PINX1: variants seen among roughly 807,000 people sequenced by gnomAD.
PINX1 encodes PIN2 (TERF1) interacting telomerase inhibitor 1.
Under a neutral mutation model 25.4 loss-of-function variants are expected in PINX1, and 34 were observed. The ratio of observed to expected loss-of-function variants is 1.34; its 90% confidence interval spans 1.02 to 1.78. PINX1 has a LOEUF of 1.78. Ranked by LOEUF, PINX1 falls within the 40% of genes most tolerant of loss-of-function variation. The pLI, the probability that PINX1 is intolerant of heterozygous loss-of-function variation, is 0.00. For missense variants in PINX1, 592 were observed against 404.9 expected, an observed-to-expected ratio of 1.46 and a Z score of -3.97; for synonymous variants, 197 against 147.7, an observed-to-expected ratio of 1.33 and a Z score of -2.42.
chr8:10,773,231 CAT>C (rs1419342663), intron 6 of PINX1, among the ~76,000 whole-genome samples: 2 of 152,120 alleles, frequency 1.3e-5, no homozygotes, highest in Non-Finnish European at 2.9e-5. Flanking sequence ...TATATACACA[CAT>C]GTACATATAT....
chr8:10,792,626 A>C (rs1446953497), intron 6 of PINX1, among the ~76,000 whole-genome samples: 1 of 152,182 alleles, frequency 6.6e-6, no homozygotes, highest in Admixed American at 6.5e-5. Context: ...AATTCATGAA[A>C]GGCTTGCAGA....
chr8:10,787,707 AG>A (rs1801796004), intron 6 of PINX1: 5 of 412,232 alleles, frequency 1.2e-5, no homozygotes, highest in Non-Finnish European at 9.6e-6. Context: ...AAAGTGAGTC[AG>A]TGTACGGTCT....
At chr8:10,792,319 T>C (rs1226001501) in intron 6 of PINX1, among the ~76,000 whole-genome samples, 1 of 151,930 alleles carries the variant, frequency 6.6e-6, no homozygotes, top group Non-Finnish European at 1.5e-5. Context: ...CCTTTTGTCC[T>C]TTATGGACTA....
rs1056208604 is a variant in PINX1 at position 10,789,245 on chromosome 8, G to A, written c.472-23329C>T. 4.6e-5 allele frequency among the ~76,000 whole-genome samples: 7 copies of A among 152,324 alleles called. No individual in the cohort carries two copies. In the East Asian group the frequency reaches 7.7e-4, roughly 17 times the overall value. ...CTGCATAGACAGAAGATGGGCCAGC[G>A]AGATGAGGAGCCATGCTGGACGAGC... is the stretch of plus-strand genomic sequence containing the variant. On this transcript the variant is annotated intron_variant, in intron 6 of 6. Coordinates refer to ENST00000314787, the MANE Select transcript of PINX1 (RefSeq NM_017884.6).
intron 5 of PINX1, among the ~76,000 whole-genome samples, chr8:10,825,744 T>G (rs1414679000): frequency 6.6e-6 from 1 of 152,228 alleles, no homozygotes; most frequent in African/African-American, 2.4e-5. Flanking sequence ...AGAGCATAAT[T>G]CTCTAACCTG....
chr8:10,805,620 G>A (rs1000590982), intron 6 of PINX1, among the ~76,000 whole-genome samples: 2 of 109,398 alleles, frequency 1.8e-5, no homozygotes, highest in Non-Finnish European at 3.7e-5. Flanking sequence ...CGCTGAGTGG[G>A]TGACGGAGCA....
At chr8:10,831,616 G>A (rs1483274830) in intron 4 of PINX1, 49 bp downstream of exon 4, 1 of 1,160,854 alleles carries the variant, frequency 8.6e-7, no homozygotes. Flanking sequence ...AAAACAAAAA[G>A]TAGATAAACA....
At chr8:10,789,378 A>G (rs1215668402) in intron 6 of PINX1, among the ~76,000 whole-genome samples, 2 of 152,252 alleles carry the variant, frequency 1.3e-5, no homozygotes, top group Non-Finnish European at 2.9e-5. Flanking sequence ...AATGATCCCC[A>G]CAGTCAAGCT....
In PINX1 at chr8:10,823,035, C is replaced by A. The variant is rs150659504; in HGVS notation, c.395-2766G>T. On this transcript the variant is annotated intron_variant, in intron 5 of 6. Transcript: ENST00000314787. ...ATAAGGGTAACTCCACTAAAAGACACCATAAACCAGGAAAGTGGAAAGAGT... is the reference window on the plus strand; with the variant it reads ...ATAAGGGTAACTCCACTAAAAGACAACATAAACCAGGAAAGTGGAAAGAGT... Among the ~76,000 whole-genome samples the A allele has an allele frequency of 2.1e-3, 323 of 152,252 alleles. 6 individuals are homozygous for A. In the Middle Eastern group the frequency reaches 0.027, roughly 13 times the overall value.
At chr8:10,788,999 G>C (rs1363560433) in intron 6 of PINX1, among the ~76,000 whole-genome samples, 1 of 148,168 alleles carries the variant, frequency 6.7e-6, no homozygotes, top group Non-Finnish European at 1.5e-5. Flanking sequence ...TGAGGGTGGG[G>C]GTGGGGATTG....
At chr8:10,811,234 C>A (rs953294768) in intron 6 of PINX1, among the ~76,000 whole-genome samples, 2 of 152,188 alleles carry the variant, frequency 1.3e-5, no homozygotes, top group African/African-American at 4.8e-5. Flanking sequence ...AGTCTTCAAA[C>A]TACTCTTGGG....
At chr8:10,774,808 A>T (rs1375236365) in intron 6 of PINX1, among the ~76,000 whole-genome samples, 1 of 152,238 alleles carries the variant, frequency 6.6e-6, no homozygotes, top group Non-Finnish European at 1.5e-5. Context: ...GCAAATAAAA[A>T]TATTTGAGAA....
intron 6 of PINX1, among the ~76,000 whole-genome samples, chr8:10,804,554 C>T (rs116231283): frequency 0.01 from 1,568 of 152,120 alleles, 32 homozygotes; most frequent in African/African-American, 0.035. Context: ...GGAGAAGAGC[C>T]GATTTTGAGA....
chr8:10,790,667 A>AGGCTCG (rs1388549547), intron 6 of PINX1, among the ~76,000 whole-genome samples: 2 of 152,130 alleles, frequency 1.3e-5, no homozygotes, highest in African/African-American at 4.8e-5. Context: ...GCTGAGGCTC[A>AGGCTCG]GGCTCGGGCT....
At chr8:10,785,610 T>C (rs1801723449) in intron 6 of PINX1, among the ~76,000 whole-genome samples, 1 of 152,230 alleles carries the variant, frequency 6.6e-6, no homozygotes, top group South Asian at 2.1e-4. Context: ...GTTTGAACAA[T>C]AAGCTGGGGT....
intron 2 of PINX1, chr8:10,833,563 G>A (rs67211633): frequency 9.5e-6 from 1 of 105,488 alleles, no homozygotes; most frequent in Non-Finnish European, 2.1e-5. Context: ...ACTGGGGTGC[G>A]GGAGGCTGGA....
intron 6 of PINX1, among the ~76,000 whole-genome samples, chr8:10,772,207 G>T (rs1244912360): frequency 1.2e-4 from 18 of 152,264 alleles, no homozygotes; most frequent in African/African-American, 4.3e-4. Flanking sequence ...TTGGAGAACA[G>T]CAGTGGGATG....
chr8:10,828,565 C>G (rs187354445), intron 4 of PINX1, among the ~76,000 whole-genome samples: 52 of 152,304 alleles, frequency 3.4e-4, no homozygotes, highest in African/African-American at 1.2e-3. Flanking sequence ...CACGCCGTGC[C>G]CTCACAGAGC....
rs145930327 is a variant in PINX1, at chr8:10,814,032, C to A, written c.471+6161G>T. Among the ~76,000 whole-genome samples, 1,004 of 152,290 alleles carry A rather than the reference C, an allele frequency of 6.6e-3. 8 individuals are homozygous for A. Among genetic ancestry groups the A allele is most frequent in the Middle Eastern group, 0.027 (8 of 294 alleles). On this transcript the variant is annotated intron_variant, in intron 6 of 6. Transcript: ENST00000314787. ...GAAGACACACGCTTATGTACACAGG[C>A]CCCGGCAGGCACCGGTCAGCACAAG...
Sources: gnomAD v4.1 joint callset for allele counts (sites outside exome capture counted in the v4.1 genomes callset) on GRCh38, gnomAD v4.1.1 for gene constraint, MANE v1.5 for transcripts, NCBI Gene and HGNC (gene_info 2026-07-23, HGNC 2026-07-21) for gene names.